Variants in CNTN4 observed in about 807,000 individuals in gnomAD.
CNTN4 encodes contactin 4.
Under a neutral mutation model 122.5 loss-of-function variants are expected in CNTN4, and 77 were observed. That is an observed-to-expected ratio of 0.63 (90% CI 0.52 to 0.76). The LOEUF is 0.76. Ranked by LOEUF, CNTN4 falls within the 30% of genes least tolerant of loss-of-function variation. The pLI is 0.00. For missense variants in CNTN4, 1,256 were observed against 1,259.1 expected, an observed-to-expected ratio of 1.00 and a Z score of 0.04; for synonymous variants, 512 against 447.0, an observed-to-expected ratio of 1.15 and a Z score of -1.83.
intron 2 of CNTN4, among the ~76,000 whole-genome samples, chr3:2,184,186 A>T (rs971103257): frequency 2.6e-5 from 4 of 152,086 alleles, no homozygotes; most frequent in Non-Finnish European, 5.9e-5. Context: ...AGGTTTCACC[A>T]TATTGCCCAG....
intron 6 of CNTN4, among the ~76,000 whole-genome samples, chr3:2,786,989 A>G (rs887216924): frequency 6.6e-6 from 1 of 152,220 alleles, no homozygotes; most frequent in Admixed American, 6.5e-5. Flanking sequence ...TCATTCATGC[A>G]AAAACTGGGT....
At chr3:2,300,820 C>T (rs111584492) in intron 2 of CNTN4, among the ~76,000 whole-genome samples, 7 of 151,914 alleles carry the variant, frequency 4.6e-5, no homozygotes, top group Non-Finnish European at 1.0e-4. Flanking sequence ...CCACCCACCT[C>T]GGCCTCCCAA....
rs181947012 is a variant in CNTN4, at chr3:2,416,596, G to A, written c.-89+77363G>A. 3.7e-3 allele frequency among the ~76,000 whole-genome samples: 559 copies of A among 152,234 alleles called. 4 individuals are homozygous for A. The highest frequency in any genetic ancestry group is 0.013 in the African/African-American group (524 of 41,548). ...ATTGGAGTTTCCAGATGCCACTCTT[G>A]CTTCTGAAAATCGTGTATGACTTGT... On this transcript the variant is annotated intron_variant, in intron 3 of 24. Transcript: ENST00000418658.
chr3:2,885,605 G>T (rs1167738764), intron 9 of CNTN4, among the ~76,000 whole-genome samples: 1 of 152,044 alleles, frequency 6.6e-6, no homozygotes, highest in East Asian at 1.9e-4. Context: ...CTCAAAGTAG[G>T]GCACTTGCAT....
At chr3:2,989,084 A>T (rs962126249) in intron 14 of CNTN4, 3 of 152,790 alleles carry the variant, frequency 2.0e-5, no homozygotes, top group African/African-American at 4.8e-5. Flanking sequence ...AAAGCACGTG[A>T]GTGAAACTAT....
At chr3:2,981,446 A>G (rs1433601602) in intron 13 of CNTN4, among the ~76,000 whole-genome samples, 2 of 152,088 alleles carry the variant, frequency 1.3e-5, no homozygotes, top group Admixed American at 1.3e-4. Flanking sequence ...TCCGTCTCAA[A>G]AAACAAAAAA....
intron 4 of CNTN4, among the ~76,000 whole-genome samples, chr3:2,727,864 T>C (rs1216678588): frequency 2.6e-5 from 4 of 152,184 alleles, no homozygotes; most frequent in Non-Finnish European, 5.9e-5. Flanking sequence ...TTTAAAATGC[T>C]CATTTGAGGG....
intron 3 of CNTN4, among the ~76,000 whole-genome samples, chr3:2,538,548 A>G (rs1186346006): frequency 6.6e-6 from 1 of 152,122 alleles, no homozygotes; most frequent in Non-Finnish European, 1.5e-5. Context: ...GATATACATT[A>G]ATATACTAAC....
At chr3:2,864,438 GA>G (rs375338681) in intron 7 of CNTN4, among the ~76,000 whole-genome samples, 2 of 150,280 alleles carry the variant, frequency 1.3e-5, no homozygotes, top group East Asian at 2.0e-4. Flanking sequence ...ATATTGCAGG[GA>G]AAAAAAAATC....
intron 2 of CNTN4, among the ~76,000 whole-genome samples, chr3:2,280,372 A>G (rs1179341753): frequency 6.6e-6 from 1 of 152,232 alleles, no homozygotes; most frequent in Non-Finnish European, 1.5e-5. Context: ...AAAAATGAGT[A>G]AAATAATGAA....
intron 2 of CNTN4, among the ~76,000 whole-genome samples, chr3:2,266,009 A>G (rs2041028891): frequency 6.6e-6 from 1 of 152,112 alleles, no homozygotes; most frequent in South Asian, 2.1e-4. Context: ...GTATCATCTG[A>G]AAACAAGAAT....
chr3:2,105,088 C>G lies in CNTN4; in HGVS notation c.-145+4449C>G, dbSNP rs1195237404. Among the ~76,000 whole-genome samples, 5 of 152,114 alleles carry G rather than the reference C, an allele frequency of 3.3e-5. No homozygotes were observed. The South Asian group carries it at 6.2e-4, about 19-fold the overall frequency. On this transcript the variant is annotated intron_variant, in intron 2 of 24. Transcript: ENST00000418658. ...CAGTGAGAACCACTGCAGTGAGATG[C>G]TTTGCTTTTTCTCAGTGGCTCTAGT...
chr3:2,365,141 A>G (rs968544431), intron 3 of CNTN4, among the ~76,000 whole-genome samples: 2 of 152,132 alleles, frequency 1.3e-5, no homozygotes, highest in African/African-American at 4.8e-5. Context: ...TGTGATTTGA[A>G]GCCCTTGTAA....
chr3:2,684,077 C>T (rs2085306829), intron 4 of CNTN4, among the ~76,000 whole-genome samples: 1 of 152,166 alleles, frequency 6.6e-6, no homozygotes, highest in Non-Finnish European at 1.5e-5. Flanking sequence ...ACATCTTTCA[C>T]CACTTTCCCT....
At chr3:2,629,764 C>T (rs918221841) in intron 4 of CNTN4, among the ~76,000 whole-genome samples, 14 of 152,082 alleles carry the variant, frequency 9.2e-5, no homozygotes, top group African/African-American at 3.4e-4. Flanking sequence ...CTGTGTTATT[C>T]TGTTTGTTTG....
intron 3 of CNTN4, among the ~76,000 whole-genome samples, chr3:2,434,974 C>T (rs1489969247): frequency 6.6e-6 from 1 of 152,108 alleles, no homozygotes; most frequent in African/African-American, 2.4e-5. Flanking sequence ...GAGAATAATT[C>T]TCTTATACCA....
intron 3 of CNTN4, among the ~76,000 whole-genome samples, chr3:2,346,609 CTTAG>C (rs1469850742): frequency 6.6e-6 from 1 of 151,942 alleles, no homozygotes; most frequent in African/African-American, 2.4e-5. Context: ...GATTGGAATT[CTTAG>C]TTAATGGTAT....
At chr3:2,899,227 T>C (rs1342978975) in intron 10 of CNTN4, among the ~76,000 whole-genome samples, 1 of 152,254 alleles carries the variant, frequency 6.6e-6, no homozygotes, top group Non-Finnish European at 1.5e-5. Context: ...TTGTTTATTA[T>C]TGAAAAGGTG....
intron 7 of CNTN4, among the ~76,000 whole-genome samples, chr3:2,824,872 AG>A (rs2092953892): frequency 6.6e-6 from 1 of 152,136 alleles, no homozygotes; most frequent in Non-Finnish European, 1.5e-5. Context: ...CATGTTGGCC[AG>A]GCTGATCTCA....
Sources: allele counts gnomAD v4.1 joint callset (sites outside exome capture counted in the v4.1 genomes callset), GRCh38; gene constraint gnomAD v4.1.1; transcripts MANE v1.5; gene names NCBI Gene and HGNC (gene_info 2026-07-23, HGNC 2026-07-21).